ANKRD26: variants seen among roughly 807,000 people sequenced by gnomAD.
ANKRD26 encodes the protein ankyrin repeat domain 26, also known as ankyrin repeat domain-containing protein 26.
A neutral mutation model predicts 208.7 loss-of-function variants in ANKRD26; 141 were observed. The ratio of observed to expected loss-of-function variants is 0.68; its 90% confidence interval spans 0.59 to 0.78. The LOEUF (loss-of-function observed/expected upper bound fraction) is 0.78. ANKRD26 is among the 30% of genes least tolerant of loss of function. The probability of loss-of-function intolerance (pLI) is 0.00; values close to 1 mark genes in which losing one functional copy is unlikely to be tolerated. For synonymous variants in ANKRD26, 636 were observed against 660.4 expected, an observed-to-expected ratio of 0.96 and a Z score of 0.57; for missense variants, 1,889 against 1,938.7, an observed-to-expected ratio of 0.97 and a Z score of 0.48.
downstream of ANKRD26, among the ~76,000 whole-genome samples, chr10:26,987,533 A>C (rs2134649607): frequency 1.3e-5 from 2 of 152,278 alleles, no homozygotes; most frequent in South Asian, 4.2e-4. Context: ...CTCTCCTCTT[A>C]AATCAGACCG....
At chr10:27,093,592 C>G in intron 2 of ANKRD26, 70 bp from the exon 3 acceptor site, 2 of 1,599,126 alleles carry the variant, frequency 1.3e-6, no homozygotes, top group Non-Finnish European at 1.7e-6. Flanking sequence ...ACAGGTTTCA[C>G]CAATTAGTTA....
In ANKRD26 at chr10:27,026,864, G is replaced by A. The variant is rs114191019; in HGVS notation, c.3972+1988C>T. On this transcript the variant is annotated intron_variant, in intron 27 of 33. Transcript: ENST00000376087. ...CCCAATAGCACAATCTCGTCTCACTGTAACCTCCACCTTCTGGGTTCAAGC... is the reference window on the plus strand; with the variant it reads ...CCCAATAGCACAATCTCGTCTCACTATAACCTCCACCTTCTGGGTTCAAGC... Among the ~76,000 whole-genome samples the A allele has an allele frequency of 8.2e-3, 1,237 of 151,546 alleles. 12 individuals carry two copies. The highest frequency in any genetic ancestry group is 0.028 in the African/African-American group (1,148 of 41,310).
chr10:27,099,942 G>T, intron 1 of ANKRD26, 143 bp downstream of exon 1: 1 of 1,325,260 alleles, frequency 7.5e-7, no homozygotes, highest in South Asian at 1.2e-5. Context: ...CTGGGCGCTG[G>T]AGCCCTGCAA....
chr10:26,984,405 T>G (rs925844340), intron 3 of ANKRD26, among the ~76,000 whole-genome samples: 2 of 152,216 alleles, frequency 1.3e-5, no homozygotes, highest in Non-Finnish European at 2.9e-5. Flanking sequence ...ATGTGCCTTT[T>G]TAAGATGAGA....
chr10:27,093,808 G>T lies in ANKRD26; in HGVS notation c.243-9C>A. Reference sequence around the variant, plus strand: ...CCAAATGTAGAGCCGTCCTATGAGAGTGACAGGACTTTTTATAAACTGTAG... The same window carrying T: ...CCAAATGTAGAGCCGTCCTATGAGATTGACAGGACTTTTTATAAACTGTAG... On this transcript the variant is annotated splice_polypyrimidine_tract_variant and intron_variant, in intron 1 of 33. Transcript: ENST00000376087. The T allele has an allele frequency of 6.3e-7, 1 of 1,598,008 alleles. No homozygotes were observed. Among genetic ancestry groups the T allele is most frequent in the Non-Finnish European group, 8.6e-7 (1 of 1,165,396 alleles).
the ANKRD26 span, among the ~76,000 whole-genome samples, chr10:26,951,013 C>CTTTTTTTTTTT: frequency 9.3e-4 from 94 of 100,882 alleles, 6 homozygotes; most frequent in African/African-American, 4.5e-3. Flanking sequence ...CTTTTCTTTT[C>CTTTTTTTTTTT]TTTTTCTTTT....
At chr10:27,060,638 G>T in intron 13 of ANKRD26, 98 bp from the exon 14 acceptor site, 1 of 935,174 alleles carries the variant, frequency 1.1e-6, no homozygotes, top group Non-Finnish European at 1.6e-6. Flanking sequence ...CATCACGCTT[G>T]GTTTGAAAAT....
chr10:27,026,185 G>A lies in ANKRD26; in HGVS notation c.3973-1626C>T, dbSNP rs141951291. Among the ~76,000 whole-genome samples, 11 of 152,190 alleles carry A rather than the reference G, an allele frequency of 7.2e-5. No homozygotes were observed. The East Asian group carries it at 1.5e-3, about 21-fold the overall frequency. On this transcript the variant is annotated intron_variant, in intron 27 of 33. Coordinates refer to ENST00000376087, the MANE Select transcript of ANKRD26 (RefSeq NM_014915.3). ...GGCTATTGATGAGTTGGTTGAAAGC[G>A]GTCTCTATTAAATTTTTGATTCACA...
chr10:27,065,168 TC>T (rs1399132431), intron 11 of ANKRD26, among the ~76,000 whole-genome samples: 2 of 152,160 alleles, frequency 1.3e-5, no homozygotes, highest in Non-Finnish European at 2.9e-5. Context: ...TTGATCCCCA[TC>T]CTAACTACAA....
intron 1 of ANKRD26, among the ~76,000 whole-genome samples, chr10:27,094,229 T>C (rs774506822): frequency 2.0e-5 from 3 of 152,222 alleles, no homozygotes; most frequent in Non-Finnish European, 4.4e-5. Flanking sequence ...CTTTCCTTTA[T>C]AAATTACCCA....
the ANKRD26 span, among the ~76,000 whole-genome samples, chr10:26,956,698 T>C: frequency 1.3e-5 from 2 of 152,126 alleles, no homozygotes; most frequent in Non-Finnish European, 2.9e-5. Context: ...CAGGAAGTTC[T>C]AGAAGATATT....
At chr10:27,067,316 A>C in intron 9 of ANKRD26, 30 bp from the exon 10 acceptor site, 1 of 1,607,078 alleles carries the variant, frequency 6.2e-7, no homozygotes, top group African/African-American at 1.3e-5. Flanking sequence ...ACAAACAAAA[A>C]ACTTCAGAAA....
chr10:27,050,533 A>G (rs1025828732), intron 16 of ANKRD26, among the ~76,000 whole-genome samples: 2 of 152,228 alleles, frequency 1.3e-5, no homozygotes. Flanking sequence ...TATAAGTTCC[A>G]ACAGTTTGAG....
chr10:27,033,077 C>T, intron 25 of ANKRD26, 148 bp downstream of exon 25: 1 of 418,864 alleles, frequency 2.4e-6, no homozygotes, highest in Non-Finnish European at 3.5e-6. Context: ...AACGAGACTC[C>T]ATCTCAAAAA....
At chr10:26,998,082 A>G (rs2052636128) in intron 4 of ANKRD26, among the ~76,000 whole-genome samples, 1 of 152,182 alleles carries the variant, frequency 6.6e-6, no homozygotes, top group South Asian at 2.1e-4. Flanking sequence ...ATAGCCCAGG[A>G]TAACTGGTCA....
At chr10:27,058,895 TTTTG>T (rs1256320089) in intron 15 of ANKRD26, among the ~76,000 whole-genome samples, 3 of 146,144 alleles carry the variant, frequency 2.1e-5, no homozygotes, top group Non-Finnish European at 3.0e-5. Flanking sequence ...TTTTATGTTT[TTTTG>T]TTTGTTTGTT....
intron 16 of ANKRD26, chr10:27,051,211 C>T (rs2054646504): frequency 1.6e-6 from 2 of 1,289,834 alleles, no homozygotes; most frequent in Non-Finnish European, 2.0e-6. Flanking sequence ...GAAGACCTCA[C>T]ATTTTCTAAT....
chr10:26,992,003 C>A (rs1250249534), exon 6 of ANKRD26: 6 of 152,206 alleles, frequency 3.9e-5, no homozygotes, highest in African/African-American at 1.4e-4. Flanking sequence ...CTTTGTCCTG[C>A]ACCTGCGAAG....
Position 27,035,717 on chromosome 10 carries a change from C to T in ANKRD26, c.2733G>A (p.Ser911=), listed in dbSNP as rs996859183. The part of the protein sequence containing the change: ...SHSHEEEKDL[S]HKNSMLQEEI... The stretch of plus-strand genomic sequence containing the variant: ...CTTCCTGCAACATGCTATTTTTATG[C>T]GATAGGTCTTTTTCTTCTTCATGAC... The change falls in exon 24 of 34, where the codon TCG becomes TCA. Residue 911 remains serine (S), a synonymous_variant. Transcript: ENST00000376087. The T allele has an allele frequency of 5.0e-6, 8 of 1,607,204 alleles. No individual in the cohort carries two copies. Among genetic ancestry groups the T allele is most frequent in the East Asian group, 4.5e-5 (2 of 44,750 alleles).
Sources: gnomAD v4.1 joint callset for allele counts (sites outside exome capture counted in the v4.1 genomes callset) on GRCh38, gnomAD v4.1.1 for gene constraint, MANE v1.5 for transcripts, NCBI Gene and HGNC (gene_info 2026-07-23, HGNC 2026-07-21) for gene names.